Variants in PATE2 observed in about 807,000 individuals in gnomAD.
The protein encoded by PATE2 is prostate and testis expressed protein 2.
PATE2 carries 7 observed loss-of-function variants against 10.5 expected under a neutral mutation model. That is an observed-to-expected ratio of 0.66 (90% CI 0.38 to 1.25). The LOEUF (loss-of-function observed/expected upper bound fraction) is 1.25. PATE2 is among the 50% of genes most tolerant of loss of function. The pLI is 0.02. For synonymous variants in PATE2, 44 were observed against 46.9 expected (o/e 0.94, Z 0.25); for missense variants, 133 against 135.4 (o/e 0.98, Z 0.09).
At chr11:125,778,282 G>T (rs768375942) in intron 2 of PATE2, among the ~76,000 whole-genome samples, 1 of 152,020 alleles carries the variant, frequency 6.6e-6, no homozygotes, top group Non-Finnish European at 1.5e-5. Flanking sequence ...AGGAGGTCAG[G>T]GTTCCCATGA....
rs933109815 is a variant in PATE2 at position 125,776,351 on chromosome 11, G to T, written c.*1031C>A. 1 of 152,122 alleles carries T rather than the reference G, an allele frequency of 6.6e-6. No individual in the cohort carries two copies. Among genetic ancestry groups the T allele is most frequent in the Non-Finnish European group, 1.5e-5 (1 of 68,030 alleles). 9.4% of individuals were successfully genotyped at this position (152,122 alleles called of 1,614,324 possible). On this transcript the variant is annotated 3_prime_UTR_variant, in exon 4 of 4. Coordinates refer to ENST00000358524, the MANE Select transcript of PATE2 (RefSeq NM_212555.3). Reference sequence around the variant, plus strand: ...ACACCAGGGTTAGTGTGTATCCAAGGAAAATGTGCCACCTTGGCCACAGGT... The same window carrying T: ...ACACCAGGGTTAGTGTGTATCCAAGTAAAATGTGCCACCTTGGCCACAGGT...
rs1332268912 is a variant in PATE2 at position 125,776,182 on chromosome 11, A to AT, written c.*1199dup. On this transcript the variant is annotated 3_prime_UTR_variant, in exon 4 of 4. Coordinates refer to ENST00000358524, the MANE Select transcript of PATE2 (RefSeq NM_212555.3). ...TTTTCTGGCCTTTATTTATTTATTT[A>AT]TTTTTTTATTTTACTTTAAGTTCTG... 4.0e-5 allele frequency: 6 copies of AT among 151,548 alleles called. No homozygotes were observed. Among genetic ancestry groups the AT allele is most frequent in the Non-Finnish European group, 5.9e-5 (4 of 67,862 alleles). The allele number at this position is 151,548 out of a possible 1,614,324, so 9.4% of individuals were successfully genotyped here.
In PATE2 at chr11:125,777,058, T is replaced by G; in HGVS notation, c.*324A>C. The G allele has an allele frequency of 8.9e-6, 2 of 224,600 alleles. No individual in the cohort carries two copies. Among genetic ancestry groups the G allele is most frequent in the South Asian group, 9.7e-5 (1 of 10,348 alleles). The allele number at this position is 224,600 out of a possible 1,614,324, so 13.9% of individuals were successfully genotyped here. On this transcript the variant is annotated 3_prime_UTR_variant, in exon 4 of 4. Coordinates refer to ENST00000358524, the MANE Select transcript of PATE2 (RefSeq NM_212555.3). Reference sequence around the variant, plus strand: ...AGAATTCTCAGTACAAATTGGAGATTATTATGGCCCAAGTGTTCACATTTT... The same window carrying G: ...AGAATTCTCAGTACAAATTGGAGATGATTATGGCCCAAGTGTTCACATTTT...
Position 125,776,828 on chromosome 11 carries a change from GT to G in PATE2, c.*553del, listed in dbSNP as rs10715276. On this transcript the variant is annotated 3_prime_UTR_variant, in exon 4 of 4. Transcript: ENST00000358524. ...TGATGCTCATCCCTATGTCTGTTCA[GT>G]TTTTTTTTTTCTGCCCTGAGGTTCC... 129,571 of 150,158 alleles carry G rather than the reference GT, an allele frequency of 0.86. 55,983 individuals are homozygous for G. Among genetic ancestry groups the G allele is most frequent in the East Asian group, 1 (5,057 of 5,076 alleles). 9.3% of individuals were successfully genotyped at this position (150,158 alleles called of 1,614,324 possible). A position where few individuals can be genotyped will look rare whatever the true frequency, so the allele number is the denominator to read the frequency against.
Position 125,777,175 on chromosome 11 carries a change from G to T in PATE2, c.*207C>A, listed in dbSNP as rs965987196. The T allele has an allele frequency of 5.5e-5, 29 of 522,926 alleles. No homozygotes were observed. In the East Asian group the frequency reaches 8.8e-4, roughly 16 times the overall value. The allele number at this position is 522,926 out of a possible 1,614,324, so 32.4% of individuals were successfully genotyped here. A position where few individuals can be genotyped will look rare whatever the true frequency, so the allele number is the denominator to read the frequency against. ...ACCCCTCCCACCTGTTAGCGACAGG[G>T]ATGTGCAAAGAGTGAGTCTAGTGCT... On this transcript the variant is annotated 3_prime_UTR_variant, in exon 4 of 4. Coordinates refer to ENST00000358524, the MANE Select transcript of PATE2 (RefSeq NM_212555.3).
At position 125,777,046 on chromosome 11, in the gene PATE2, C is replaced by G; in HGVS notation, c.*336G>C. 4.7e-6 allele frequency: 1 copy of G among 211,528 alleles called. No individual in the cohort carries two copies. Among genetic ancestry groups the G allele is most frequent in the Non-Finnish European group, 9.6e-6 (1 of 103,974 alleles). The allele number at this position is 211,528 out of a possible 1,614,324, so 13.1% of individuals were successfully genotyped here. A position where few individuals can be genotyped will look rare whatever the true frequency, so the allele number is the denominator to read the frequency against. ...GAGGATAGTCACAGAATTCTCAGTACAAATTGGAGATTATTATGGCCCAAG... is the reference window on the plus strand; with the variant it reads ...GAGGATAGTCACAGAATTCTCAGTAGAAATTGGAGATTATTATGGCCCAAG... On this transcript the variant is annotated 3_prime_UTR_variant, in exon 4 of 4. Coordinates refer to ENST00000358524, the MANE Select transcript of PATE2 (RefSeq NM_212555.3).
At position 125,777,983 on chromosome 11, in the gene PATE2, A is replaced by G; in HGVS notation, c.96T>C (p.Tyr32=). The G allele has an allele frequency of 3.1e-6, 5 of 1,613,200 alleles. No individual in the cohort carries two copies. Among genetic ancestry groups the G allele is most frequent in the South Asian group, 1.1e-5 (1 of 91,064 alleles). The part of the protein sequence containing the change: ...DPIKATEIMC[Y]ECKKYHLGLC... Reference sequence around the variant, plus strand: ...ACCCAAGATGATATTTTTTACATTCATAACACATTATTTCAGTCGCTGCCA... The same window carrying G: ...ACCCAAGATGATATTTTTTACATTCGTAACACATTATTTCAGTCGCTGCCA... Residue 32 remains tyrosine, a synonymous_variant, in exon 3 of 4, where the codon TAT becomes TAC. Coordinates refer to ENST00000358524, the MANE Select transcript of PATE2 (RefSeq NM_212555.3).
Position 125,778,548 on chromosome 11 carries a change from G to A in PATE2, c.76+4C>T, listed in dbSNP as rs746433557. ...CAAGGACTTCAGAGAAGCCATGATTGTACCTTTTATAGGGTCATGAAGTTC... is the reference window on the plus strand; with the variant it reads ...CAAGGACTTCAGAGAAGCCATGATTATACCTTTTATAGGGTCATGAAGTTC... On this transcript the variant is annotated splice_donor_region_variant and intron_variant, in intron 2 of 3. Coordinates refer to ENST00000358524, the MANE Select transcript of PATE2 (RefSeq NM_212555.3). The A allele has an allele frequency of 6.2e-7, 1 of 1,613,380 alleles. No individual in the cohort carries two copies. Among genetic ancestry groups the A allele is most frequent in the Non-Finnish European group, 8.5e-7 (1 of 1,179,486 alleles).
chr11:125,776,322 A>C lies in PATE2; in HGVS notation c.*1060T>G, dbSNP rs1384149586. 6.6e-6 allele frequency: 1 copy of C among 152,200 alleles called. No individual in the cohort carries two copies. Among genetic ancestry groups the C allele is most frequent in the African/African-American group, 2.4e-5 (1 of 41,440 alleles). 9.4% of individuals were successfully genotyped at this position (152,200 alleles called of 1,614,324 possible). ...AGGGTGCAGTCAGCCTTATAAGGAC[A>C]GAAACACCAGGGTTAGTGTGTATCC... On this transcript the variant is annotated 3_prime_UTR_variant, in exon 4 of 4. Coordinates refer to ENST00000358524, the MANE Select transcript of PATE2 (RefSeq NM_212555.3).
At chr11:125,778,475 G>T in intron 2 of PATE2, 77 bp downstream of exon 2, 1 of 1,482,136 alleles carries the variant, frequency 6.7e-7, no homozygotes, top group Non-Finnish European at 9.4e-7. Context: ...CCTCTCTGAA[G>T]ATGAAGGAAA....
At chr11:125,778,690 C>T (rs1943510315) in intron 1 of PATE2, 32 bp downstream of exon 1, 1 of 1,613,344 alleles carries the variant, frequency 6.2e-7, no homozygotes, top group Admixed American at 1.7e-5. Context: ...TCTTAACCAA[C>T]CACCAGCTTC....
At chr11:125,778,158 T>G (rs1302534380) in intron 2 of PATE2, among the ~76,000 whole-genome samples, 156 bp from the exon 3 acceptor site, 1 of 152,084 alleles carries the variant, frequency 6.6e-6, no homozygotes, top group African/African-American at 2.4e-5. Flanking sequence ...GGGATAATCA[T>G]GCTGCGGTCC....
chr11:125,778,403 G>T, intron 2 of PATE2, 149 bp downstream of exon 2: 2 of 873,254 alleles, frequency 2.3e-6, no homozygotes, highest in South Asian at 1.7e-5. Flanking sequence ...CTAAGAAATG[G>T]ACAAAACAGG....
At position 125,777,304 on chromosome 11, in the gene PATE2, G is replaced by A. The variant is rs764572866; in HGVS notation, c.*78C>T. ...CTCTCTACCAATGCATAGAAGAGGA[G>A]AGCAAAATTCAGGTTCAGGGAAGAG... On this transcript the variant is annotated 3_prime_UTR_variant, in exon 4 of 4. Transcript: ENST00000358524. 1.9e-4 allele frequency: 283 copies of A among 1,525,998 alleles called. No individual in the cohort carries two copies. In the Middle Eastern group the frequency reaches 4.4e-3, roughly 24 times the overall value. The allele number at this position is 1,525,998 out of a possible 1,614,324, so 94.5% of individuals were successfully genotyped here.
In PATE2 at chr11:125,777,354, G is replaced by T; in HGVS notation, c.*28C>A. On this transcript the variant is annotated 3_prime_UTR_variant, in exon 4 of 4. Coordinates refer to ENST00000358524, the MANE Select transcript of PATE2 (RefSeq NM_212555.3). ...GAAAAAGAGCGTAGTGGTTGAAAAA[G>T]AACCCAAAATCCAGGAGAGACGTAG... The T allele has an allele frequency of 6.2e-7, 1 of 1,608,416 alleles. No individual in the cohort carries two copies. Among genetic ancestry groups the T allele is most frequent in the South Asian group, 1.1e-5 (1 of 90,712 alleles).
chr11:125,778,195 T>C (rs1943505053), intron 2 of PATE2, among the ~76,000 whole-genome samples, 193 bp from the exon 3 acceptor site: 1 of 152,116 alleles, frequency 6.6e-6, no homozygotes, highest in African/African-American at 2.4e-5. Context: ...AATAAATTTG[T>C]ACACATTTTC....
intron 3 of PATE2, 54 bp downstream of exon 3, chr11:125,777,820 T>A (rs1238041207): frequency 1.9e-5 from 31 of 1,594,750 alleles, no homozygotes; most frequent in Non-Finnish European, 2.5e-5. Context: ...AGAACACTAC[T>A]GTTTCTCAGG....
chr11:125,777,942 A>G lies in PATE2; in HGVS notation c.137T>C (p.Met46Thr). ...TTTATGCTTCAGGGAGCAGGATGTC[A>G]TGACACCATAGCATAACCCAAGATG... ...KYHLGLCYGV[M>T]TSCSLKHKQS... Residue 46 changes from methionine (M) to threonine (T), a missense_variant, in exon 3 of 4, where the codon ATG (methionine) becomes ACG (threonine). Transcript: ENST00000358524. 1 of 1,613,204 alleles carries G rather than the reference A, an allele frequency of 6.2e-7. No individual in the cohort carries two copies. The highest frequency in any genetic ancestry group is 8.5e-7 in the Non-Finnish European group (1 of 1,179,316).
At position 125,777,259 on chromosome 11, in the gene PATE2, A is replaced by G; in HGVS notation, c.*123T>C. On this transcript the variant is annotated 3_prime_UTR_variant, in exon 4 of 4. Coordinates refer to ENST00000358524, the MANE Select transcript of PATE2 (RefSeq NM_212555.3). ...TCTCCTTATGCCTGCTTGTCTTTTC[A>G]CTATGAGCTGGCTTTCTCACTCTCT... is the stretch of plus-strand genomic sequence containing the variant. 1 of 1,208,278 alleles carries G rather than the reference A, an allele frequency of 8.3e-7. No individual in the cohort carries two copies. The highest frequency in any genetic ancestry group is 2.5e-5 in the East Asian group (1 of 40,534). The allele number at this position is 1,208,278 out of a possible 1,614,324, so 74.8% of individuals were successfully genotyped here.
Sources: allele counts gnomAD v4.1 joint callset (sites outside exome capture counted in the v4.1 genomes callset), GRCh38; gene constraint gnomAD v4.1.1; transcripts MANE v1.5; gene names NCBI Gene and HGNC (gene_info 2026-07-23, HGNC 2026-07-21).